CAPRIN2: variants seen among roughly 807,000 people sequenced by gnomAD.
The protein encoded by CAPRIN2 is caprin family member 2.
CAPRIN2 carries 66 observed loss-of-function variants against 130.4 expected under a neutral mutation model. The observed-to-expected ratio is 0.51, with a 90% CI of 0.42 to 0.62. The LOEUF (loss-of-function observed/expected upper bound fraction) is 0.62, where lower values mean the gene tolerates loss of function less well. Among genes scored for constraint, CAPRIN2 ranks in the 20% least tolerant of loss-of-function variants. The probability of loss-of-function intolerance (pLI) is 0.00; values close to 1 mark genes in which losing one functional copy is unlikely to be tolerated. For synonymous variants in CAPRIN2, 471 were observed against 444.1 expected, an observed-to-expected ratio of 1.06 and a Z score of -0.76; for missense variants, 1,185 against 1,246.6, an observed-to-expected ratio of 0.95 and a Z score of 0.74.
intron 2 of CAPRIN2, among the ~76,000 whole-genome samples, chr12:30,744,854 A>AATAAAAG (rs1328274098): frequency 6.6e-6 from 1 of 152,224 alleles, no homozygotes; most frequent in African/African-American, 2.4e-5. Flanking sequence ...TTGTTGAATG[A>AATAAAAG]ATAAAAGATA....
At position 30,726,031 on chromosome 12, in the gene CAPRIN2, C is replaced by G. The variant is rs1178561341; in HGVS notation, c.1840G>C (p.Val614Leu). 2.5e-6 allele frequency: 4 copies of G among 1,600,610 alleles called. No homozygotes were observed. The African/African-American group carries it at 5.4e-5, about 21-fold the overall frequency. The change falls in exon 9 of 17, where the codon GTA (valine) becomes CTA (leucine). Residue 614 changes from valine (V) to leucine (L), a missense_variant. Physicochemically the swap from Val to Leu is conservative, Grantham distance 32 (BLOSUM62 1). This residue lies in a region of CAPRIN2 where 1,104 missense variants were observed against 1,104.3 expected (regional missense o/e 1.00). Coordinates refer to ENST00000298892, the Ensembl canonical transcript of CAPRIN2. The stretch of plus-strand genomic sequence containing the variant: ...TCCTGCAGTTTTTCTTTCCTCAATA[C>G]TGGATCCTTCGGAAGGGTAGAGGAA...
At chr12:30,739,941 TG>T (rs1304036934) in intron 3 of CAPRIN2, among the ~76,000 whole-genome samples, 4 of 152,180 alleles carry the variant, frequency 2.6e-5, no homozygotes, top group Non-Finnish European at 5.9e-5. Flanking sequence ...AAATTGTTAC[TG>T]GGTAACTCTG....
intron 11 of CAPRIN2, among the ~76,000 whole-genome samples, chr12:30,721,356 A>ATAACTGTGCTTTCATGCTAAG (rs1203123015): frequency 1.3e-5 from 1 of 77,944 alleles, no homozygotes; most frequent in African/African-American, 4.0e-5. Flanking sequence ...AGATCATAGT[A>ATAACTGTGCTTTCATGCTAAG]TAACTGTGCT....
intron 4 of CAPRIN2, 109 bp downstream of exon 5, chr12:30,734,859 C>CA: frequency 1.9e-6 from 1 of 538,710 alleles, no homozygotes; most frequent in East Asian, 3.0e-5. Context: ...AACACACACA[C>CA]ACACACACAC....
chr12:30,744,522 G>A (rs552809853), intron 2 of CAPRIN2, among the ~76,000 whole-genome samples: 2 of 152,230 alleles, frequency 1.3e-5, no homozygotes, highest in African/African-American at 2.4e-5. Flanking sequence ...ACGCATGCAA[G>A]CATCTGCCTA....
chr12:30,730,730 AT>A (rs892817864), intron 6 of CAPRIN2, among the ~76,000 whole-genome samples: 1 of 152,176 alleles, frequency 6.6e-6, no homozygotes, highest in Non-Finnish European at 1.5e-5. Context: ...TGCACTTAGT[AT>A]TAAGAACTAA....
chr12:30,716,686 CA>C lies in CAPRIN2; in HGVS notation c.2149-11del. 6.2e-7 allele frequency: 1 copy of C among 1,611,020 alleles called. No individual in the cohort carries two copies. Among genetic ancestry groups the C allele is most frequent in the Non-Finnish European group, 8.5e-7 (1 of 1,178,382 alleles). On this transcript the variant is annotated splice_polypyrimidine_tract_variant and intron_variant, in intron 12 of 16. Coordinates refer to ENST00000298892, the Ensembl canonical transcript of CAPRIN2. ...CATTAACGTTAAATACCTTAAAAGA[CA>C]AGGACACACTGAGTCATTTGGGAAG... is the stretch of plus-strand genomic sequence containing the variant.
chr12:30,730,369 A>ATT (rs2062246156), intron 6 of CAPRIN2, 87 bp from the exon 8 acceptor site: 2 of 923,984 alleles, frequency 2.2e-6, no homozygotes. Context: ...CTAGCAACAT[A>ATT]TTTCAGAAGA....
intron 10 of CAPRIN2, 131 bp downstream of exon 11, chr12:30,724,235 CAGAT>C: frequency 3.3e-6 from 2 of 609,390 alleles, no homozygotes; most frequent in East Asian, 5.7e-5. Flanking sequence ...TAACTGGTAA[CAGAT>C]GGATACAGTT....
intron 12 of CAPRIN2, among the ~76,000 whole-genome samples, chr12:30,718,217 G>C (rs1405470155): frequency 6.6e-6 from 1 of 152,160 alleles, no homozygotes; most frequent in African/African-American, 2.4e-5. Flanking sequence ...CAAAAGAAAA[G>C]GTAAAACCAA....
intron 5 of CAPRIN2, among the ~76,000 whole-genome samples, chr12:30,732,902 TAA>T (rs968879852): frequency 2.6e-5 from 4 of 152,154 alleles, no homozygotes; most frequent in African/African-American, 9.6e-5. Flanking sequence ...TTCATTTTAT[TAA>T]AATACTGCCA....
intron 9 of CAPRIN2, among the ~76,000 whole-genome samples, chr12:30,725,222 C>T (rs1234341425): frequency 6.6e-6 from 1 of 152,192 alleles, no homozygotes; most frequent in Non-Finnish European, 1.5e-5. Flanking sequence ...CTGCCTATCT[C>T]GGTTCTCTCA....
At chr12:30,746,329 C>A (rs2070337223) in intron 2 of CAPRIN2, among the ~76,000 whole-genome samples, 1 of 152,156 alleles carries the variant, frequency 6.6e-6, no homozygotes, top group Non-Finnish European at 1.5e-5. Context: ...GAGTTCAAGG[C>A]TACAGTGAGC....
At chr12:30,718,971 T>G (rs2058513283) in intron 12 of CAPRIN2, 108 bp downstream of exon 14, 1 of 1,300,936 alleles carries the variant, frequency 7.7e-7, no homozygotes, top group Non-Finnish European at 1.0e-6. Flanking sequence ...CCCAAATAAA[T>G]TTTACAAAAG....
chr12:30,711,518 C>G, intron 16 of CAPRIN2, 48 bp downstream of exon 18: 1 of 1,401,362 alleles, frequency 7.1e-7, no homozygotes, highest in Non-Finnish European at 1.0e-6. Context: ...GCAGAAAGAA[C>G]TAGAGACATG....
rs1246007989 is a variant in CAPRIN2, at chr12:30,743,654, AGTAATAG to A, written c.484-2555_484-2549del. Among the ~76,000 whole-genome samples, 12 of 152,284 alleles carry A rather than the reference AGTAATAG, an allele frequency of 7.9e-5. No individual in the cohort carries two copies. In the East Asian group the frequency reaches 2.1e-3, roughly 27 times the overall value. On this transcript the variant is annotated intron_variant, in intron 2 of 16. Coordinates refer to ENST00000298892, the Ensembl canonical transcript of CAPRIN2. ...CTGCTTTTAGCACCTGTAAAATAGGAGTAATAGAACCTACCTCACAAAGATGCTGTAC... is the reference window on the plus strand; with the variant it reads ...CTGCTTTTAGCACCTGTAAAATAGGAAACCTACCTCACAAAGATGCTGTAC...
intron 3 of CAPRIN2, among the ~76,000 whole-genome samples, chr12:30,735,913 G>T (rs996897484): frequency 6.6e-6 from 1 of 152,056 alleles, no homozygotes; most frequent in African/African-American, 2.4e-5. Context: ...GGTCGAGGAG[G>T]GTGAATCACT....
chr12:30,718,028 C>T (rs1225570723), intron 12 of CAPRIN2, among the ~76,000 whole-genome samples: 2 of 151,992 alleles, frequency 1.3e-5, no homozygotes, highest in Non-Finnish European at 2.9e-5. Flanking sequence ...CAATGTGTAC[C>T]GGGTAGGATT....
At chr12:30,714,463 G>A (rs1467301158) in intron 14 of CAPRIN2, among the ~76,000 whole-genome samples, 6 of 152,118 alleles carry the variant, frequency 3.9e-5, no homozygotes, top group South Asian at 2.1e-4. Flanking sequence ...GATGACAGGC[G>A]TCAGCCACCA....
Sources: allele counts gnomAD v4.1 joint callset (sites outside exome capture counted in the v4.1 genomes callset), GRCh38; gene constraint gnomAD v4.1.1; regional missense constraint gnomAD v4.1.1; transcripts MANE v1.5; gene names NCBI Gene and HGNC (gene_info 2026-07-23, HGNC 2026-07-21).